LRPPRC: variants seen among roughly 807,000 people sequenced by gnomAD.
The protein encoded by LRPPRC is leucine-rich PPR motif-containing protein, mitochondrial.
LRPPRC carries 120 observed loss-of-function variants against 180.3 expected under a neutral mutation model. That is an observed-to-expected ratio of 0.67 (90% confidence interval 0.57 to 0.77). LRPPRC has a LOEUF of 0.77. LRPPRC is among the 30% of genes least tolerant of loss of function. The probability of loss-of-function intolerance (pLI) is 0.00; values close to 1 mark genes in which losing one functional copy is unlikely to be tolerated. For synonymous variants in LRPPRC, 723 were observed against 600.0 expected (o/e 1.21, Z -3.00); for missense variants, 2,012 against 1,657.2 (o/e 1.21, Z -3.72).
At chr2:43,946,603 T>A (rs1257909197) in intron 20 of LRPPRC, among the ~76,000 whole-genome samples, 1 of 152,084 alleles carries the variant, frequency 6.6e-6, no homozygotes, top group Non-Finnish European at 1.5e-5. Flanking sequence ...ATATGTATCA[T>A]TGAAAAGTTT....
intron 14 of LRPPRC, among the ~76,000 whole-genome samples, chr2:43,955,397 A>T (rs921945627): frequency 6.6e-6 from 1 of 150,908 alleles, no homozygotes; most frequent in African/African-American, 2.4e-5. Flanking sequence ...TGAGCTCAGA[A>T]TTTGGAGGCT....
At chr2:43,935,786 A>T (rs1261501777) in intron 23 of LRPPRC, among the ~76,000 whole-genome samples, 2 of 152,222 alleles carry the variant, frequency 1.3e-5, no homozygotes, top group Non-Finnish European at 2.9e-5. Flanking sequence ...AAAAAAATAA[A>T]ATAAAAGGAC....
At chr2:43,921,228 G>A (rs1184437249) in intron 27 of LRPPRC, among the ~76,000 whole-genome samples, 2 of 152,168 alleles carry the variant, frequency 1.3e-5, no homozygotes, top group African/African-American at 2.4e-5. Flanking sequence ...GGAGGTGGAG[G>A]TTACAGTGAG....
chr2:43,918,897 TATAC>T (rs1238366424), intron 27 of LRPPRC, among the ~76,000 whole-genome samples: 1 of 150,478 alleles, frequency 6.6e-6, no homozygotes. Context: ...TATGCCACCA[TATAC>T]ATACATACAT....
intron 1 of LRPPRC, among the ~76,000 whole-genome samples, chr2:43,986,303 T>C (rs949053480): frequency 7.9e-5 from 12 of 152,090 alleles, no homozygotes; most frequent in South Asian, 2.1e-4. Flanking sequence ...CTAATTTTTA[T>C]ATTTTTAGTA....
chr2:43,904,701 C>A (rs6544719), intron 31 of LRPPRC: 66,663 of 115,418 alleles, frequency 0.58, 17,265 homozygotes, highest in East Asian at 0.97. Context: ...TCAAAAAAAA[C>A]AAAAACAAAA....
chr2:43,930,981 TA>T (rs1468315665), intron 25 of LRPPRC, among the ~76,000 whole-genome samples: 1 of 152,160 alleles, frequency 6.6e-6, no homozygotes, highest in Non-Finnish European at 1.5e-5. Flanking sequence ...ACAAATAAAG[TA>T]TCACTTTTTG....
chr2:43,936,406 T>C (rs968102778), intron 23 of LRPPRC, among the ~76,000 whole-genome samples: 2 of 152,198 alleles, frequency 1.3e-5, no homozygotes, highest in Non-Finnish European at 2.9e-5. Flanking sequence ...AAAAGAGGCA[T>C]GGTTAGAGAC....
chr2:43,961,940 G>A (rs1559018382), intron 12 of LRPPRC, among the ~76,000 whole-genome samples: 1 of 152,172 alleles, frequency 6.6e-6, no homozygotes, highest in Non-Finnish European at 1.5e-5. Flanking sequence ...TCTAGCCTGG[G>A]CGACAGAGCA....
chr2:43,951,565 A>G (rs1672903450), intron 14 of LRPPRC, among the ~76,000 whole-genome samples: 5 of 152,176 alleles, frequency 3.3e-5, no homozygotes, highest in Admixed American at 3.3e-4. Flanking sequence ...TTTTATTTAA[A>G]GTAAGTTCTG....
At chr2:43,956,641 G>T (rs910547642) in intron 14 of LRPPRC, among the ~76,000 whole-genome samples, 1 of 152,176 alleles carries the variant, frequency 6.6e-6, no homozygotes, top group African/African-American at 2.4e-5. Flanking sequence ...TGTAAACCCA[G>T]CACTTTGGGA....
chr2:43,990,169 A>G (rs1674711565), intron 1 of LRPPRC, among the ~76,000 whole-genome samples: 1 of 152,132 alleles, frequency 6.6e-6, no homozygotes, highest in Non-Finnish European at 1.5e-5. Flanking sequence ...CAGTGAGCCG[A>G]GATGGCCCCG....
chr2:43,933,000 A>T (rs1477921876), intron 25 of LRPPRC, among the ~76,000 whole-genome samples: 1 of 152,196 alleles, frequency 6.6e-6, no homozygotes, highest in African/African-American at 2.4e-5. Context: ...AGAACTCAAT[A>T]GCCAGACAGC....
chr2:43,929,522 T>C (rs1229842554), intron 25 of LRPPRC, among the ~76,000 whole-genome samples: 1 of 152,156 alleles, frequency 6.6e-6, no homozygotes, highest in Non-Finnish European at 1.5e-5. Flanking sequence ...TTTTTCTTAA[T>C]TTTTTTCAGT....
chr2:43,889,927 A>G lies in LRPPRC; in HGVS notation c.3986-51T>C, dbSNP rs771204741. ...ATCAGAGATAAAGACAACCTATCTT[A>G]CTCTTTTCACCAAAACAGCCACTCA... is the stretch of plus-strand genomic sequence containing the variant. On this transcript the variant is annotated intron_variant, in intron 36 of 37. Transcript: ENST00000260665. 4 of 1,394,218 alleles carry G rather than the reference A, an allele frequency of 2.9e-6. No homozygotes were observed. The South Asian group carries it at 3.5e-5, about 12-fold the overall frequency. 86.4% of individuals were successfully genotyped at this position (1,394,218 alleles called of 1,614,324 possible).
chr2:43,973,840 G>C lies in LRPPRC; in HGVS notation c.1216C>G (p.Pro406Ala), dbSNP rs374749283. The C allele has an allele frequency of 3.1e-6, 5 of 1,613,746 alleles. No homozygotes were observed. In the African/African-American group the frequency reaches 5.3e-5, roughly 17 times the overall value. ...KLKEVQMHSF[P>A]LQFTLHCALL... ...GCACAATGGAGGGTGAACTGCAGAG[G>C]AAAGGAGTGCATCTGGACTTCCTTT... Residue 406 changes from proline to alanine, a missense_variant, in exon 10 of 38, where the codon CCT becomes GCT. Pro to Ala is a conservative substitution (Grantham distance 27, BLOSUM62 -1). Transcript: ENST00000260665.
chr2:43,917,996 CACACA>C, intron 29 of LRPPRC, 24 bp downstream of exon 29: 2 of 1,453,712 alleles, frequency 1.4e-6, no homozygotes, highest in Non-Finnish European at 1.9e-6. Context: ...CACCCCCCCA[CACACA>C]CCCCCATCCC....
At chr2:43,910,848 G>A (rs1222685581) in intron 30 of LRPPRC, among the ~76,000 whole-genome samples, 1 of 152,016 alleles carries the variant, frequency 6.6e-6, no homozygotes, top group Non-Finnish European at 1.5e-5. Flanking sequence ...ATTAAAATCT[G>A]TACTTTCAGG....
intron 14 of LRPPRC, among the ~76,000 whole-genome samples, chr2:43,956,518 T>C (rs1673123668): frequency 6.6e-6 from 1 of 150,502 alleles, no homozygotes; most frequent in Non-Finnish European, 1.5e-5. Flanking sequence ...TGTGTGTAGG[T>C]ACTTTCTTGT....
Sources: gnomAD v4.1 joint callset for allele counts (sites outside exome capture counted in the v4.1 genomes callset) on GRCh38, gnomAD v4.1.1 for gene constraint, MANE v1.5 for transcripts, NCBI Gene and HGNC (gene_info 2026-07-23, HGNC 2026-07-21) for gene names.